WNK1: variants seen among roughly 807,000 people sequenced by gnomAD.
WNK1 encodes the protein serine/threonine-protein kinase WNK1.
Under a neutral mutation model 222.8 loss-of-function variants are expected in WNK1, and 38 were observed. The ratio of observed to expected loss-of-function variants is 0.17; its 90% confidence interval spans 0.13 to 0.22. The LOEUF is 0.22. WNK1 is among the 10% of genes least tolerant of loss of function. WNK1 has a pLI of 1.00. For synonymous variants in WNK1, 1,090 were observed against 1,092.9 expected (o/e 1.00, Z 0.05); for missense variants, 2,348 against 2,918.4 (o/e 0.80, Z 4.50).
At chr12:779,628 T>A (rs1163535094) in intron 1 of WNK1, among the ~76,000 whole-genome samples, 1 of 152,072 alleles carries the variant, frequency 6.6e-6, no homozygotes, top group African/African-American at 2.4e-5. Flanking sequence ...TCTTGAATTC[T>A]TGACCTCAAG....
At position 851,860 on chromosome 12, in the gene WNK1, T is replaced by G. The variant is rs1047644109; in HGVS notation, c.1312-5301T>G. ...GATATTGGTAGAAAGTTTCCAATAT[T>G]GAAATTGTTAACTTTCAGTTAAAGT... On this transcript the variant is annotated intron_variant, in intron 4 of 27. Coordinates refer to ENST00000315939, the MANE Select transcript of WNK1 (RefSeq NM_018979.4). 9.6e-6 allele frequency: 11 copies of G among 1,145,912 alleles called. No homozygotes were observed. The African/African-American group carries it at 1.3e-4, about 14-fold the overall frequency. 71.0% of individuals were successfully genotyped at this position (1,145,912 alleles called of 1,614,324 possible). A position where few individuals can be genotyped will look rare whatever the true frequency, so the allele number is the denominator to read the frequency against.
In WNK1 at chr12:886,049, A is replaced by G; in HGVS notation, c.5245A>G (p.Thr1749Ala). ...TACTACATCAGGAGTGAAACCTGGAACTGCTCCCTCCAAGCCACCTCTAAC... is the reference window on the plus strand; with the variant it reads ...TACTACATCAGGAGTGAAACCTGGAGCTGCTCCCTCCAAGCCACCTCTAAC... ...STTTSGVKPG[T>A]APSKPPLTKA... is the part of the protein sequence containing the mutation. Residue 1749 changes from threonine (T) to alanine (A), a missense_variant, in exon 19 of 28, where the codon ACT (threonine) becomes GCT (alanine). Around this residue, in one of 13 missense-constraint regions of WNK1, gnomAD observed 1,144 missense variants for 1,273.6 expected, o/e 0.90. Coordinates refer to ENST00000315939, the MANE Select transcript of WNK1 (RefSeq NM_018979.4). 6.2e-7 allele frequency: 1 copy of G among 1,605,750 alleles called. No homozygotes were observed. The highest frequency in any genetic ancestry group is 8.5e-7 in the Non-Finnish European group (1 of 1,177,686).
intron 1 of WNK1, among the ~76,000 whole-genome samples, chr12:806,211 A>G (rs1406481217): frequency 6.6e-6 from 1 of 152,246 alleles, no homozygotes; most frequent in East Asian, 1.9e-4. Flanking sequence ...AGGCAAGGAA[A>G]CTAAAACTCA....
At chr12:819,050 G>A (rs1565474432) in intron 2 of WNK1, among the ~76,000 whole-genome samples, 6 of 152,210 alleles carry the variant, frequency 3.9e-5, no homozygotes, top group Admixed American at 2.6e-4. Flanking sequence ...CCTACCGGGA[G>A]TGACATGATA....
intron 21 of WNK1, among the ~76,000 whole-genome samples, chr12:890,118 A>G (rs1467809471): frequency 2.0e-5 from 3 of 151,710 alleles, no homozygotes; most frequent in African/African-American, 7.3e-5. Flanking sequence ...ACACCCGGCT[A>G]ATTTTTGTGT....
intron 4 of WNK1, among the ~76,000 whole-genome samples, chr12:842,529 T>C (rs1331601715): frequency 6.6e-6 from 1 of 152,210 alleles, no homozygotes; most frequent in Non-Finnish European, 1.5e-5. Context: ...TTTTACCCTA[T>C]AATTACTACT....
intron 1 of WNK1, among the ~76,000 whole-genome samples, chr12:772,513 A>G (rs1043270900): frequency 6.6e-6 from 1 of 152,088 alleles, no homozygotes; most frequent in Non-Finnish European, 1.5e-5. Context: ...ATGTGTATAC[A>G]TACGTATGCA....
intron 4 of WNK1, among the ~76,000 whole-genome samples, chr12:833,040 G>A (rs529129018): frequency 1.1e-3 from 174 of 151,648 alleles, no homozygotes; most frequent in African/African-American, 4.0e-3. Context: ...TGAGCATAGG[G>A]TCGACTGTTT....
rs1322266584 is a variant in WNK1 at position 883,880 on chromosome 12, T to G, written c.3721+49T>G. 3.1e-6 allele frequency: 5 copies of G among 1,601,280 alleles called. No individual in the cohort carries two copies. In the African/African-American group the frequency reaches 6.7e-5, roughly 21 times the overall value. Reference sequence around the variant, plus strand: ...TTTTACCTTTGACTTAAGAAGCCATTAGCCGAGGGTGGTGGCAGGCTTCTG... The same window carrying G: ...TTTTACCTTTGACTTAAGAAGCCATGAGCCGAGGGTGGTGGCAGGCTTCTG... On this transcript the variant is annotated intron_variant, in intron 17 of 27. Coordinates refer to ENST00000315939, the MANE Select transcript of WNK1 (RefSeq NM_018979.4).
intron 4 of WNK1, among the ~76,000 whole-genome samples, chr12:841,713 G>T (rs1264204601): frequency 6.6e-6 from 1 of 152,156 alleles, no homozygotes; most frequent in Admixed American, 6.5e-5. Context: ...CCAAGATCAG[G>T]TGCCATCAGA....
At chr12:823,436 C>G (rs1948072811) in intron 2 of WNK1, among the ~76,000 whole-genome samples, 1 of 152,146 alleles carries the variant, frequency 6.6e-6, no homozygotes, top group South Asian at 2.1e-4. Flanking sequence ...GATGGTGTCC[C>G]ACAGATCTCT....
rs566901431 is a variant in WNK1 at position 902,244 on chromosome 12, A to C, written c.6643+1574A>C. Among the ~76,000 whole-genome samples, 3 of 152,188 alleles carry C rather than the reference A, an allele frequency of 2.0e-5. No homozygotes were observed. The South Asian group carries it at 6.2e-4, about 32-fold the overall frequency. On this transcript the variant is annotated intron_variant, in intron 26 of 27. Transcript: ENST00000315939. ...CTTAAGACCAGGAGGTTGAGACTGC[A>C]GTGAGCCATGATTGCACCACTGCAC...
chr12:871,296 C>T lies in WNK1; in HGVS notation c.2171C>T (p.Ser724Leu). The T allele has an allele frequency of 6.2e-7, 1 of 1,614,196 alleles. No homozygotes were observed. Among genetic ancestry groups the T allele is most frequent in the Non-Finnish European group, 8.5e-7 (1 of 1,180,026 alleles). The change falls in exon 9 of 28, where the codon TCA becomes TTA. Residue 724 changes from serine to leucine, a missense_variant. Physicochemically the swap from Ser to Leu is moderately radical, Grantham distance 145. This residue lies in a region of WNK1 where 547 missense variants were observed against 558.3 expected (regional missense o/e 0.98). Coordinates refer to ENST00000315939, the MANE Select transcript of WNK1 (RefSeq NM_018979.4). ...GGGCAGAGCCAGGGTCAGCCATCCT[C>T]AAGTAGCTTAACAGGGGTTTCATCT... ...AQGQSQGQPSSSSLTGVSSSQ... is the reference protein window; with the variant it reads ...AQGQSQGQPSLSSLTGVSSSQ...
chr12:844,157 G>A (rs1440904205), intron 4 of WNK1, among the ~76,000 whole-genome samples: 1 of 150,932 alleles, frequency 6.6e-6, no homozygotes, highest in Non-Finnish European at 1.5e-5. Flanking sequence ...TTTGAGACGG[G>A]GTCTTGCTCT....
At chr12:759,851 A>G (rs1940771108) in intron 1 of WNK1, among the ~76,000 whole-genome samples, 1 of 148,122 alleles carries the variant, frequency 6.8e-6, no homozygotes, top group African/African-American at 2.4e-5. Flanking sequence ...TACCCATTTT[A>G]TAGAGTTGTG....
chr12:879,530 T>G, intron 10 of WNK1, 43 bp from the exon 11 acceptor site: 10 of 1,099,972 alleles, frequency 9.1e-6, no homozygotes, highest in Non-Finnish European at 1.2e-5. Context: ...TTTTTTTTTT[T>G]TTTTTTTAAG....
At chr12:906,398 C>A (rs1955702360) in intron 26 of WNK1, 2 of 985,322 alleles carry the variant, frequency 2.0e-6, no homozygotes, top group Non-Finnish European at 2.4e-6. Flanking sequence ...GTTCCTTCAT[C>A]ATAACCGCAA....
intron 19 of WNK1, 103 bp downstream of exon 19, chr12:886,187 T>TA: frequency 2.0e-6 from 2 of 1,021,008 alleles, no homozygotes; most frequent in Non-Finnish European, 2.8e-6. Flanking sequence ...AACATATTTA[T>TA]AAAGGTACCT....
intron 1 of WNK1, among the ~76,000 whole-genome samples, chr12:778,713 T>C (rs1943382113): frequency 6.6e-6 from 1 of 152,016 alleles, no homozygotes; most frequent in Non-Finnish European, 1.5e-5. Flanking sequence ...CATTAGAGTT[T>C]AAGATTATGA....
Sources: allele counts gnomAD v4.1 joint callset (sites outside exome capture counted in the v4.1 genomes callset), GRCh38; gene constraint gnomAD v4.1.1; regional missense constraint gnomAD v4.1.1; transcripts MANE v1.5; gene names NCBI Gene and HGNC (gene_info 2026-07-23, HGNC 2026-07-21).